The following FBLN2 variants were observed in gnomAD, a reference collection of about 807,000 sequenced individuals.
FBLN2 encodes fibulin-2.
FBLN2 carries 81 observed loss-of-function variants against 123.7 expected under a neutral mutation model. That is an observed-to-expected ratio of 0.65 (90% CI 0.55 to 0.79). FBLN2 has a LOEUF of 0.79. Ranked by LOEUF, FBLN2 falls within the 30% of genes least tolerant of loss-of-function variation. The pLI, the probability that FBLN2 is intolerant of heterozygous loss-of-function variation, is 0.00. For synonymous variants in FBLN2, 699 were observed against 701.4 expected, an observed-to-expected ratio of 1.00 and a Z score of 0.05; for missense variants, 1,603 against 1,681.3, an observed-to-expected ratio of 0.95 and a Z score of 0.81.
intron 2 of FBLN2, among the ~76,000 whole-genome samples, chr3:13,597,591 G>A (rs1466909652): frequency 6.6e-6 from 1 of 152,218 alleles, no homozygotes; most frequent in African/African-American, 2.4e-5. Context: ...GTGGCAGTGA[G>A]GTGGCTGGCA....
intron 16 of FBLN2, among the ~76,000 whole-genome samples, chr3:13,632,864 G>A (rs1274718261): frequency 6.6e-6 from 1 of 152,138 alleles, no homozygotes; most frequent in Admixed American, 6.5e-5. Context: ...AGTCGGTATG[G>A]ACTCCGTAAA....
intron 1 of FBLN2, chr3:13,569,209 G>C: frequency 2.2e-5 from 5 of 223,890 alleles, no homozygotes; most frequent in Non-Finnish European, 3.0e-5. Context: ...GAGGGGAGAA[G>C]AGCCCTTGGG....
chr3:13,611,356 C>T (rs1256185663), intron 4 of FBLN2, among the ~76,000 whole-genome samples: 4 of 152,172 alleles, frequency 2.6e-5, no homozygotes, highest in Non-Finnish European at 5.9e-5. Flanking sequence ...GTTGCGCAGC[C>T]GTCACCACCA....
chr3:13,630,889 C>A, intron 15 of FBLN2, 74 bp downstream of exon 15: 1 of 1,149,064 alleles, frequency 8.7e-7, no homozygotes. Flanking sequence ...CCCGAGAGTC[C>A]CTGCTGGGCC....
intron 11 of FBLN2, 74 bp from the exon 12 acceptor site, chr3:13,628,831 T>G: frequency 6.6e-7 from 1 of 1,526,522 alleles, no homozygotes; most frequent in Non-Finnish European, 8.9e-7. Flanking sequence ...CCCCTCCCAG[T>G]GTGGCCCTGG....
chr3:13,617,866 CTATT>C (rs1415329128), intron 5 of FBLN2, among the ~76,000 whole-genome samples: 4 of 150,724 alleles, frequency 2.7e-5, no homozygotes, highest in Non-Finnish European at 5.9e-5. Flanking sequence ...ATCCGTCTAT[CTATT>C]TACCTGCCCA....
intron 1 of FBLN2, among the ~76,000 whole-genome samples, chr3:13,559,124 G>C (rs762105973): frequency 1.1e-4 from 16 of 152,176 alleles, no homozygotes; most frequent in Non-Finnish European, 2.4e-4. Flanking sequence ...ACTTCAGCCA[G>C]GGGTCTGTGA....
intron 16 of FBLN2, among the ~76,000 whole-genome samples, chr3:13,632,612 G>T (rs1230334680): frequency 6.6e-6 from 1 of 152,194 alleles, no homozygotes; most frequent in Admixed American, 6.5e-5. Flanking sequence ...GAGTGGCGTG[G>T]CATGGGGCAG....
chr3:13,608,743 C>T (rs1373998625), intron 3 of FBLN2, among the ~76,000 whole-genome samples: 2 of 152,118 alleles, frequency 1.3e-5, no homozygotes, highest in South Asian at 2.1e-4. Flanking sequence ...CCAGGGACCC[C>T]GTCTAACCTA....
At chr3:13,594,346 G>A (rs1027639785) in intron 2 of FBLN2, among the ~76,000 whole-genome samples, 1 of 151,734 alleles carries the variant, frequency 6.6e-6, no homozygotes, top group African/African-American at 2.4e-5. Flanking sequence ...CTTCTCTCTG[G>A]ATGGAGCAGA....
At chr3:13,586,592 G>A (rs1276066045) in intron 2 of FBLN2, among the ~76,000 whole-genome samples, 1 of 151,602 alleles carries the variant, frequency 6.6e-6, no homozygotes, top group African/African-American at 2.4e-5. Flanking sequence ...CCACCCCTGG[G>A]GTTCAAGCAA....
intron 8 of FBLN2, among the ~76,000 whole-genome samples, chr3:13,621,038 A>G (rs1705832559): frequency 1.3e-5 from 2 of 152,206 alleles, no homozygotes; most frequent in Non-Finnish European, 2.9e-5. Flanking sequence ...TTTCTGGGGC[A>G]GGCCTCCTTT....
chr3:13,613,736 G>T (rs1173063877), intron 4 of FBLN2, among the ~76,000 whole-genome samples: 3 of 152,220 alleles, frequency 2.0e-5, no homozygotes, highest in Non-Finnish European at 4.4e-5. Flanking sequence ...AATGAGTGTG[G>T]CTGGGGGGTT....
chr3:13,564,066 A>T (rs1411167394), intron 1 of FBLN2, among the ~76,000 whole-genome samples: 2 of 152,228 alleles, frequency 1.3e-5, no homozygotes, highest in African/African-American at 2.4e-5. Flanking sequence ...AAGTGTCCTG[A>T]CATTAAATGT....
chr3:13,629,006 G>C lies in FBLN2; in HGVS notation c.2671G>C (p.Ala891Pro), dbSNP rs745317890. ...ATGCCAGAGGAACCCGCTGATCTGC[G>C]CGCGCGGCTACCACGCCAGCGATGA... ...YTCQRNPLIC[A>P]RGYHASDDGT... The change falls in exon 12 of 18, where the codon GCG becomes CCG. Residue 891 changes from alanine to proline, a missense_variant. Physicochemically the swap from Ala to Pro is conservative, Grantham distance 27. Coordinates refer to ENST00000404922, the MANE Select transcript of FBLN2 (RefSeq NM_001004019.2). 6.2e-7 allele frequency: 1 copy of C among 1,613,404 alleles called. No homozygotes were observed. The highest frequency in any genetic ancestry group is 8.5e-7 in the Non-Finnish European group (1 of 1,179,752).
intron 2 of FBLN2, among the ~76,000 whole-genome samples, chr3:13,577,486 A>G (rs1039815233): frequency 4.6e-5 from 7 of 152,192 alleles, no homozygotes; most frequent in Non-Finnish European, 7.4e-5. Flanking sequence ...TGTGGCCACC[A>G]TGAGGACTTT....
rs1703433094 is a variant in FBLN2 at position 13,555,292 on chromosome 3, TAGA to T, written c.-42+6085_-42+6087del. Among the ~76,000 whole-genome samples, 3 of 152,000 alleles carry T rather than the reference TAGA, an allele frequency of 2.0e-5. No individual in the cohort carries two copies. In the South Asian group the frequency reaches 6.2e-4, roughly 32 times the overall value. On this transcript the variant is annotated intron_variant, in intron 1 of 17. Coordinates refer to ENST00000404922, the MANE Select transcript of FBLN2 (RefSeq NM_001004019.2). ...TAAAGGAAACCTTTGATCACAACTG[TAGA>T]CAGAAATCAGGATCACTTGTCCTAA...
intron 4 of FBLN2, among the ~76,000 whole-genome samples, chr3:13,612,294 C>CCTTTCCTTCTTTCTTTCTTTCTTTCTTT (rs1705419170): frequency 8.5e-6 from 1 of 117,284 alleles, no homozygotes; most frequent in Admixed American, 8.5e-5. Flanking sequence ...CTTTTATTTT[C>CCTTTCCTTCTTTCTTTCTTTCTTTCTTT]CTTTCTTTCT....
intron 1 of FBLN2, among the ~76,000 whole-genome samples, chr3:13,557,022 A>G (rs1703481915): frequency 6.6e-6 from 1 of 152,264 alleles, no homozygotes; most frequent in Non-Finnish European, 1.5e-5. Context: ...ATGGCAGGAA[A>G]TGTGCCCACC....
Sources: allele counts gnomAD v4.1 joint callset (sites outside exome capture counted in the v4.1 genomes callset), GRCh38; gene constraint gnomAD v4.1.1; transcripts MANE v1.5; gene names NCBI Gene and HGNC (gene_info 2026-07-23, HGNC 2026-07-21).